The following NOX1 variants were observed in gnomAD, a reference collection of about 807,000 sequenced individuals.
NOX1 encodes NADPH oxidase 1, also known as NADH/NADPH mitogenic oxidase subunit P65-MOX.
NOX1 carries 34 observed loss-of-function variants against 42.5 expected under a neutral mutation model. That is an observed-to-expected ratio of 0.80 (90% CI 0.61 to 1.07). The LOEUF (loss-of-function observed/expected upper bound fraction) is 1.07. Among genes scored for constraint, NOX1 ranks in the 50% least tolerant of loss-of-function variants. The pLI, the probability that NOX1 is intolerant of heterozygous loss-of-function variation, is 0.00. For missense variants in NOX1, 408 were observed against 427.0 expected, an observed-to-expected ratio of 0.96 and a Z score of 0.39; for synonymous variants, 143 against 152.5, an observed-to-expected ratio of 0.94 and a Z score of 0.46.
At chrX:100,847,904 G>A (rs1357310029) in intron 12 of NOX1, among the ~76,000 whole-genome samples, 2 of 110,262 alleles carry the variant, frequency 1.8e-5, no homozygotes, top group Non-Finnish European at 3.8e-5. Context: ...GATTTTTTGT[G>A]CTGTAACATG....
intron 1 of NOX1, among the ~76,000 whole-genome samples, chrX:100,873,647 C>T (rs1173427098): frequency 1.8e-5 from 2 of 111,769 alleles, no homozygotes; most frequent in South Asian, 3.7e-4. Context: ...TTTACCTTTT[C>T]GGTGTAGGTA....
Position 100,843,730 on chromosome X carries a change from C to G in NOX1, c.*222G>C. The G allele has an allele frequency of 2.5e-6, 1 of 403,557 alleles. No homozygotes were observed. The highest frequency in any genetic ancestry group is 4.2e-6 in the Non-Finnish European group (1 of 236,930). 33.3% of individuals were successfully genotyped at this position (403,557 alleles called of 1,213,427 possible). A position where few individuals can be genotyped will look rare whatever the true frequency, so the allele number is the denominator to read the frequency against. ...TACAGTTATTTTTCTGAGAAAGGATCCATGGGCTTTAAGAACTTCAGAACT... is the reference window on the plus strand; with the variant it reads ...TACAGTTATTTTTCTGAGAAAGGATGCATGGGCTTTAAGAACTTCAGAACT... On this transcript the variant is annotated 3_prime_UTR_variant, in exon 13 of 13. Coordinates refer to ENST00000372966, the MANE Select transcript of NOX1 (RefSeq NM_007052.5).
chrX:100,843,402 A>G lies in NOX1; in HGVS notation c.*550T>C. On this transcript the variant is annotated 3_prime_UTR_variant, in exon 13 of 13. Coordinates refer to ENST00000372966, the MANE Select transcript of NOX1 (RefSeq NM_007052.5). Reference sequence around the variant, plus strand: ...TGCTGTTCACACTGGATAAGACCATATCAAAAGTGACAGTAAACATGTACA... The same window carrying G: ...TGCTGTTCACACTGGATAAGACCATGTCAAAAGTGACAGTAAACATGTACA... 1 of 1,146,433 alleles carries G rather than the reference A, an allele frequency of 8.7e-7. No homozygotes were observed. Among genetic ancestry groups the G allele is most frequent in the South Asian group, 2.1e-5 (1 of 47,305 alleles). The allele number at this position is 1,146,433 out of a possible 1,213,427, so 94.5% of individuals were successfully genotyped here.
At chrX:100,859,483 A>AT (rs1416121267) in intron 7 of NOX1, among the ~76,000 whole-genome samples, 1 of 111,303 alleles carries the variant, frequency 9.0e-6, no homozygotes, top group East Asian at 2.8e-4. Context: ...CTCCTCCTCA[A>AT]TTTTTTTGCA....
intron 7 of NOX1, among the ~76,000 whole-genome samples, chrX:100,860,736 ATCTT>A (rs2085197951): frequency 9.0e-6 from 1 of 110,591 alleles, no homozygotes; most frequent in South Asian, 3.8e-4. Flanking sequence ...TTTTTTGTCT[ATCTT>A]TATTTACAAT....
At chrX:100,866,345 T>A (rs1382322381) in intron 2 of NOX1, among the ~76,000 whole-genome samples, 1 of 111,788 alleles carries the variant, frequency 8.9e-6, no homozygotes, top group Non-Finnish European at 1.9e-5. Context: ...TATATGTGTT[T>A]ACCCAAACTC....
At chrX:100,867,770 G>A (rs1331894788) in intron 2 of NOX1, among the ~76,000 whole-genome samples, 1 of 86,357 alleles carries the variant, frequency 1.2e-5, no homozygotes, top group African/African-American at 4.6e-5. Flanking sequence ...AAAGAAGGAA[G>A]GAAGGAAGGA....
At chrX:100,864,875 C>T (rs1208089065) in intron 2 of NOX1, among the ~76,000 whole-genome samples, 2 of 112,346 alleles carry the variant, frequency 1.8e-5, no homozygotes, top group Non-Finnish European at 3.8e-5. Flanking sequence ...CTTCTGCTGA[C>T]TGGCCAGCCT....
chrX:100,843,622 T>C lies in NOX1; in HGVS notation c.*330A>G. On this transcript the variant is annotated 3_prime_UTR_variant, in exon 13 of 13. Transcript: ENST00000372966. ...GATGGTAACACTGGAATTGATAAAA[T>C]CACCTGGGATTAGTTGTATAACTCT... 4.0e-6 allele frequency: 2 copies of C among 503,307 alleles called. No individual in the cohort carries two copies. Among genetic ancestry groups the C allele is most frequent in the Non-Finnish European group, 6.0e-6 (2 of 331,801 alleles). The allele number at this position is 503,307 out of a possible 1,213,427, so 41.5% of individuals were successfully genotyped here. A position where few individuals can be genotyped will look rare whatever the true frequency, so the allele number is the denominator to read the frequency against.
At chrX:100,855,552 C>T (rs2147911138) in intron 7 of NOX1, 1 of 778,431 alleles carries the variant, frequency 1.3e-6, no homozygotes, top group East Asian at 3.2e-5. Context: ...GTCATAGCTG[C>T]CACTCCTGCC....
intron 9 of NOX1, 23 bp from the exon 10 acceptor site, chrX:100,849,957 G>A (rs775005293): frequency 2.4e-5 from 28 of 1,173,792 alleles, no homozygotes; most frequent in South Asian, 1.8e-4. Flanking sequence ...AGAAGATAAC[G>A]GGCAACTGAA....
chrX:100,866,488 CTGTG>C lies in NOX1; in HGVS notation c.142-2897_142-2894del, dbSNP rs36112590. 5.8e-3 allele frequency among the ~76,000 whole-genome samples: 561 copies of C among 96,622 alleles called. 11 individuals are homozygous for C. Among genetic ancestry groups the C allele is most frequent in the East Asian group, 0.016 (49 of 3,050 alleles). The allele number at this position is 96,622 out of a possible 115,157, so 83.9% of individuals were successfully genotyped here. A position where few individuals can be genotyped will look rare whatever the true frequency, so the allele number is the denominator to read the frequency against. ...TGAGCTTATGTCAGTGTGTGTGTCC[CTGTG>C]TGTGTGTGTGTGTGTGTGTGTGTGT... On this transcript the variant is annotated intron_variant, in intron 2 of 12. Coordinates refer to ENST00000372966, the MANE Select transcript of NOX1 (RefSeq NM_007052.5).
Position 100,843,501 on chromosome X carries a change from T to C in NOX1, c.*451A>G. The C allele has an allele frequency of 9.6e-7, 1 of 1,045,771 alleles. No individual in the cohort carries two copies. The highest frequency in any genetic ancestry group is 3.7e-5 in the East Asian group (1 of 27,157). The allele number at this position is 1,045,771 out of a possible 1,213,427, so 86.2% of individuals were successfully genotyped here. A position where few individuals can be genotyped will look rare whatever the true frequency, so the allele number is the denominator to read the frequency against. On this transcript the variant is annotated 3_prime_UTR_variant, in exon 13 of 13. Transcript: ENST00000372966. ...TTATGTTTATTATTATGTTTTATCA[T>C]TAATTATTCAATAAATTTTTATTTA...
At chrX:100,872,021 C>T (rs898980232) in intron 1 of NOX1, among the ~76,000 whole-genome samples, 2 of 112,005 alleles carry the variant, frequency 1.8e-5, no homozygotes, top group Non-Finnish European at 3.8e-5. Flanking sequence ...TATAGTAATG[C>T]TATGAGGCTT....
intron 2 of NOX1, among the ~76,000 whole-genome samples, chrX:100,867,156 C>T (rs967746046): frequency 1.8e-5 from 2 of 111,503 alleles, no homozygotes; most frequent in Non-Finnish European, 3.8e-5. Context: ...CCTCAGTCTC[C>T]CGAGTAGCTG....
At chrX:100,863,333 G>A in intron 3 of NOX1, 90 bp from the exon 4 acceptor site, 1 of 922,505 alleles carries the variant, frequency 1.1e-6, no homozygotes, top group Non-Finnish European at 1.6e-6. Flanking sequence ...CATATAGCAT[G>A]CCAATACTCA....
At position 100,849,448 on chromosome X, in the gene NOX1, A is replaced by G. The variant is rs753405895; in HGVS notation, c.1297-22T>C. ...AGATCTGAAATCAGCAAGAGAGAAC[A>G]TAGCCTTATTAGGTGACCTTAAAAG... On this transcript the variant is annotated intron_variant, in intron 10 of 12. Coordinates refer to ENST00000372966, the MANE Select transcript of NOX1 (RefSeq NM_007052.5). The G allele has an allele frequency of 6.7e-6, 8 of 1,201,352 alleles. No individual in the cohort carries two copies. The Admixed American group carries it at 1.8e-4, about 27-fold the overall frequency.
Position 100,850,257 on chromosome X carries a change from T to G in NOX1, c.1027A>C (p.Thr343Pro). 2 of 1,209,896 alleles carry G rather than the reference T, an allele frequency of 1.7e-6. No individual in the cohort carries two copies. Among genetic ancestry groups the G allele is most frequent in the Non-Finnish European group, 2.2e-6 (2 of 894,080 alleles). The change falls in exon 9 of 13, where the codon ACC (threonine) becomes CCC (proline). Residue 343 changes from threonine to proline, a missense_variant. By Grantham distance (38) the Thr-to-Pro change is conservative. Transcript: ENST00000372966. ...SLLEWHPFTL[T>P]SAPEEDFFSI... ...AAGAAATCTTCCTCTGGAGCAGAGG[T>G]CAAAGTAAAAGGATGCCATTCCAGG...
At chrX:100,867,022 A>G (rs2085242721) in intron 2 of NOX1, among the ~76,000 whole-genome samples, 1 of 111,538 alleles carries the variant, frequency 9.0e-6, no homozygotes, top group African/African-American at 3.3e-5. Context: ...ACAAAAAAAA[A>G]GTATTTATTT....
Sources: gnomAD v4.1 joint callset for allele counts (sites outside exome capture counted in the v4.1 genomes callset) on GRCh38, gnomAD v4.1.1 for gene constraint, MANE v1.5 for transcripts, NCBI Gene and HGNC (gene_info 2026-07-23, HGNC 2026-07-21) for gene names.